The following ZNF804B variants were observed in gnomAD, a reference collection of about 807,000 sequenced individuals.
ZNF804B encodes the protein zinc finger 804B.
ZNF804B carries 80 observed loss-of-function variants against 101.4 expected under a neutral mutation model. The observed-to-expected ratio is 0.79, with a 90% CI of 0.66 to 0.95. The LOEUF is 0.95. ZNF804B is among the 40% of genes least tolerant of loss of function. The pLI, the probability that ZNF804B is intolerant of heterozygous loss-of-function variation, is 0.00. For synonymous variants in ZNF804B, 622 were observed against 558.8 expected (o/e 1.11, Z -1.59); for missense variants, 1,673 against 1,561.9 (o/e 1.07, Z -1.20).
chr7:88,865,214 G>A (rs1396041188), intron 1 of ZNF804B, among the ~76,000 whole-genome samples: 2 of 128,550 alleles, frequency 1.6e-5, no homozygotes, highest in Non-Finnish European at 3.1e-5. Context: ...AGCAACAAGA[G>A]CAAGACTTCG....
chr7:88,988,497 T>A (rs1366593350), intron 1 of ZNF804B, among the ~76,000 whole-genome samples: 1 of 152,130 alleles, frequency 6.6e-6, no homozygotes, highest in Non-Finnish European at 1.5e-5. Context: ...CATCAACAGG[T>A]GTTAATAACA....
chr7:89,319,146 G>T (rs999624970), intron 2 of ZNF804B, among the ~76,000 whole-genome samples: 2 of 152,062 alleles, frequency 1.3e-5, no homozygotes, highest in Non-Finnish European at 2.9e-5. Flanking sequence ...CTTCCAGCTT[G>T]GGCATTAGGG....
intron 1 of ZNF804B, among the ~76,000 whole-genome samples, chr7:88,944,016 G>C (rs541843556): frequency 1.3e-5 from 2 of 151,768 alleles, no homozygotes; most frequent in South Asian, 4.1e-4. Context: ...TAGACATTTA[G>C]GTTATTTTCA....
chr7:88,829,883 G>A (rs1417900768), intron 1 of ZNF804B, among the ~76,000 whole-genome samples: 1 of 152,092 alleles, frequency 6.6e-6, no homozygotes, highest in Non-Finnish European at 1.5e-5. Context: ...AGTATCATCA[G>A]TTATGTTGAT....
chr7:88,992,032 T>C (rs1793855279), intron 1 of ZNF804B, among the ~76,000 whole-genome samples: 1 of 152,178 alleles, frequency 6.6e-6, no homozygotes. Flanking sequence ...GCTATTCTTT[T>C]ACTTCTTCTA....
intron 1 of ZNF804B, among the ~76,000 whole-genome samples, chr7:88,873,353 T>C (rs1409307575): frequency 6.6e-6 from 1 of 152,246 alleles, no homozygotes; most frequent in South Asian, 2.1e-4. Context: ...GAGTTCATTG[T>C]AGATTCTTGA....
At chr7:88,871,682 G>A (rs974213281) in intron 1 of ZNF804B, among the ~76,000 whole-genome samples, 2 of 152,084 alleles carry the variant, frequency 1.3e-5, no homozygotes, top group Non-Finnish European at 2.9e-5. Flanking sequence ...GTGAAAACTG[G>A]GCTGGGTGCT....
At chr7:89,179,753 A>T (rs1788268066) in intron 1 of ZNF804B, among the ~76,000 whole-genome samples, 1 of 152,168 alleles carries the variant, frequency 6.6e-6, no homozygotes, top group South Asian at 2.1e-4. Context: ...TCCTCATCAC[A>T]GTCTGGGCTT....
chr7:89,185,777 G>A (rs1788366683), intron 1 of ZNF804B, among the ~76,000 whole-genome samples: 1 of 151,886 alleles, frequency 6.6e-6, no homozygotes, highest in African/African-American at 2.4e-5. Context: ...TGAAAATCGC[G>A]TGAATCCTGG....
chr7:89,188,498 A>C (rs1240708994), intron 1 of ZNF804B, among the ~76,000 whole-genome samples: 1 of 152,160 alleles, frequency 6.6e-6, no homozygotes, highest in Non-Finnish European at 1.5e-5. Context: ...CTCTCACTTC[A>C]AAGCAAAAGC....
chr7:88,992,877 G>T (rs551841642), intron 1 of ZNF804B, among the ~76,000 whole-genome samples: 1 of 152,034 alleles, frequency 6.6e-6, no homozygotes, highest in South Asian at 2.1e-4. Flanking sequence ...AATCAAAATA[G>T]TCCTTCTCAG....
intron 1 of ZNF804B, among the ~76,000 whole-genome samples, chr7:88,854,726 G>C (rs1373218325): frequency 1.3e-5 from 2 of 148,884 alleles, no homozygotes; most frequent in African/African-American, 5.0e-5. Context: ...TTAACATTAG[G>C]TATATCTCCT....
chr7:89,163,973 C>T (rs184426591), intron 1 of ZNF804B, among the ~76,000 whole-genome samples: 13 of 151,516 alleles, frequency 8.6e-5, no homozygotes, highest in Admixed American at 5.3e-4. Context: ...GATATTTTTA[C>T]GCAAGGGAAT....
chr7:88,870,354 C>T (rs969011119), intron 1 of ZNF804B, among the ~76,000 whole-genome samples: 86 of 125,194 alleles, frequency 6.9e-4, no homozygotes, highest in Non-Finnish European at 1.1e-3. Flanking sequence ...CACTGCACTC[C>T]AGCCTGGGCG....
intron 1 of ZNF804B, among the ~76,000 whole-genome samples, chr7:89,007,561 TATTATA>T (rs371412456): frequency 0.52 from 63,769 of 121,600 alleles, 17,837 homozygotes; most frequent in Middle Eastern, 0.63. Context: ...TATATTTATC[TATTATA>T]ATTATATATA....
chr7:89,206,947 G>A (rs980285662), intron 1 of ZNF804B, among the ~76,000 whole-genome samples: 3 of 152,152 alleles, frequency 2.0e-5, no homozygotes, highest in Non-Finnish European at 4.4e-5. Context: ...AACATAACAA[G>A]AGTCACCATT....
At chr7:88,791,968 C>T (rs138790865) in intron 1 of ZNF804B, among the ~76,000 whole-genome samples, 13 of 152,122 alleles carry the variant, frequency 8.5e-5, no homozygotes, top group Non-Finnish European at 1.8e-4. Context: ...CTGGGGTCAC[C>T]TGAAGTCTCA....
At chr7:89,307,951 T>A (rs2115937204) in intron 2 of ZNF804B, among the ~76,000 whole-genome samples, 1 of 152,188 alleles carries the variant, frequency 6.6e-6, no homozygotes, top group Non-Finnish European at 1.5e-5. Context: ...ATTCCCAGGT[T>A]CTTGCAATTA....
chr7:89,112,880 T>C (rs1790242358), intron 1 of ZNF804B, among the ~76,000 whole-genome samples: 1 of 152,132 alleles, frequency 6.6e-6, no homozygotes, highest in African/African-American at 2.4e-5. Context: ...GATGATAAAT[T>C]AGATGTTAGA....
Sources: allele counts gnomAD v4.1 joint callset (sites outside exome capture counted in the v4.1 genomes callset), GRCh38; gene constraint gnomAD v4.1.1; transcripts MANE v1.5; gene names NCBI Gene and HGNC (gene_info 2026-07-23, HGNC 2026-07-21).